The following C13orf42 variants were observed in gnomAD, a reference collection of about 807,000 sequenced individuals.
The protein encoded by C13orf42 is chromosome 13 open reading frame 42.
chr13:51,168,281 G>C (rs1017832184), intron 1 of C13orf42, among the ~76,000 whole-genome samples: 1 of 152,190 alleles, frequency 6.6e-6, no homozygotes, highest in Non-Finnish European at 1.5e-5. Context: ...TGCATAAATC[G>C]GAGGTGCAGT....
intron 1 of C13orf42, among the ~76,000 whole-genome samples, chr13:51,142,303 A>AG (rs759306614): frequency 3.9e-5 from 6 of 152,264 alleles, no homozygotes; most frequent in Non-Finnish European, 8.8e-5. Context: ...GGAATAAACA[A>AG]GGATAGCTTG....
intron 1 of C13orf42, among the ~76,000 whole-genome samples, chr13:51,164,558 G>A (rs974763513): frequency 1.3e-5 from 2 of 152,146 alleles, no homozygotes; most frequent in Admixed American, 1.3e-4. Flanking sequence ...TATTCAGGAG[G>A]CCGAAGTAGG....
At chr13:51,112,734 G>A (rs1395754743), upstream of C13orf42, among the ~76,000 whole-genome samples, 3 of 152,160 alleles carry the variant, frequency 2.0e-5, no homozygotes, top group African/African-American at 7.2e-5. Context: ...AGATGAAGAA[G>A]GGGCGCGCTG....
chr13:51,150,012 C>T (rs1382266730), intron 1 of C13orf42, among the ~76,000 whole-genome samples: 1 of 152,164 alleles, frequency 6.6e-6, no homozygotes, highest in Admixed American at 6.5e-5. Flanking sequence ...AAATATTTGA[C>T]GAATAAACTC....
chr13:51,087,486 T>G lies in C13orf42; in HGVS notation c.562+442A>C, dbSNP rs59647218. Among the ~76,000 whole-genome samples the G allele has an allele frequency of 2.7e-4, 41 of 152,360 alleles. No homozygotes were observed. In the East Asian group the frequency reaches 7.9e-3, roughly 29 times the overall value. On this transcript the variant is annotated intron_variant, in intron 2 of 3. Transcript: ENST00000563710. ...GTGCCATTCAGTCATGTTCAGTATA[T>G]TCACGTTGTTTTGCAAGCGATCTCT...
chr13:51,106,904 A>C (rs1232248277), intron 1 of C13orf42, among the ~76,000 whole-genome samples: 1 of 151,988 alleles, frequency 6.6e-6, no homozygotes, highest in Non-Finnish European at 1.5e-5. Flanking sequence ...TGACACAAAA[A>C]CCCTCACGTA....
At chr13:51,092,774 T>C (rs1234426366) in intron 1 of C13orf42, among the ~76,000 whole-genome samples, 1 of 152,064 alleles carries the variant, frequency 6.6e-6, no homozygotes, top group African/African-American at 2.4e-5. Flanking sequence ...AGCTGAGAAG[T>C]ACATAGGCAT....
At chr13:51,157,817 A>G (rs1347130823) in intron 1 of C13orf42, among the ~76,000 whole-genome samples, 1 of 152,182 alleles carries the variant, frequency 6.6e-6, no homozygotes, top group Admixed American at 6.5e-5. Flanking sequence ...AAAATTCAGA[A>G]CTTGACAATT....
intron 1 of C13orf42, among the ~76,000 whole-genome samples, chr13:51,156,401 T>C (rs186274138): frequency 4.3e-4 from 65 of 152,276 alleles, no homozygotes; most frequent in Non-Finnish European, 7.8e-4. Flanking sequence ...CTGTGATACA[T>C]AGCTGCCACT....
At chr13:51,134,413 T>A (rs1217255432) in intron 1 of C13orf42, among the ~76,000 whole-genome samples, 1 of 152,202 alleles carries the variant, frequency 6.6e-6, no homozygotes, top group African/African-American at 2.4e-5. Flanking sequence ...TCCCATCTGA[T>A]ACTCAACTGC....
At position 51,171,611 on chromosome 13, in the gene C13orf42, T is replaced by C. The variant is rs925379105; in HGVS notation, n.136+642A>G. ...GCCTCTGCTCCTCCACCCTATAATC[T>C]TTTTATCACCTCCCCTCCTCACACC... On this transcript the variant is annotated intron_variant and non_coding_transcript_variant, in intron 1 of 4. Transcript: ENST00000433280. Among the ~76,000 whole-genome samples, 28 of 152,188 alleles carry C rather than the reference T, an allele frequency of 1.8e-4. No homozygotes were observed. The South Asian group carries it at 2.9e-3, about 16-fold the overall frequency.
At chr13:51,171,642 G>T (rs147201293) in intron 1 of C13orf42, among the ~76,000 whole-genome samples, 5 of 150,816 alleles carry the variant, frequency 3.3e-5, no homozygotes, top group Admixed American at 6.6e-5. Flanking sequence ...ACACCTGGTC[G>T]GGCTTACAGT....
intron 1 of C13orf42, among the ~76,000 whole-genome samples, chr13:51,123,305 G>C (rs998911987): frequency 2.0e-5 from 3 of 152,190 alleles, no homozygotes; most frequent in Non-Finnish European, 4.4e-5. Context: ...TCAGCTGGGG[G>C]CTCTGCTTAG....
chr13:51,111,718 G>T (rs1953436890), upstream of C13orf42, among the ~76,000 whole-genome samples: 1 of 152,162 alleles, frequency 6.6e-6, no homozygotes, highest in South Asian at 2.1e-4. Context: ...ATTCTACTTA[G>T]CAGGGACAGC....
chr13:51,112,350 T>A (rs756109566), upstream of C13orf42, among the ~76,000 whole-genome samples: 14 of 152,112 alleles, frequency 9.2e-5, no homozygotes, highest in Non-Finnish European at 1.3e-4. Flanking sequence ...GTTTGCTCTG[T>A]GTGTGTGTGG....
intron 1 of C13orf42, among the ~76,000 whole-genome samples, chr13:51,159,650 C>A (rs570521295): frequency 2.0e-5 from 3 of 152,226 alleles, no homozygotes; most frequent in African/African-American, 7.2e-5. Flanking sequence ...TTCTCACATA[C>A]AATAAAAGAG....
intron 1 of C13orf42, among the ~76,000 whole-genome samples, chr13:51,137,709 T>C (rs1475791147): frequency 6.6e-6 from 1 of 152,186 alleles, no homozygotes; most frequent in East Asian, 1.9e-4. Flanking sequence ...CACACTTTTA[T>C]CTGATTACAA....
At chr13:51,167,790 G>A (rs1460009633) in intron 1 of C13orf42, among the ~76,000 whole-genome samples, 3 of 152,060 alleles carry the variant, frequency 2.0e-5, no homozygotes, top group Non-Finnish European at 2.9e-5. Context: ...CAACTCTAGC[G>A]GTTTCTGATT....
At chr13:51,086,327 CA>C (rs11440988) in intron 2 of C13orf42, among the ~76,000 whole-genome samples, 15 of 125,544 alleles carry the variant, frequency 1.2e-4, no homozygotes, top group East Asian at 6.8e-4. Flanking sequence ...CAAAAAAAAA[CA>C]AAAAAAAAAA....
Sources: gnomAD v4.1 joint callset for allele counts (sites outside exome capture counted in the v4.1 genomes callset) on GRCh38, gnomAD v4.1.1 for gene constraint, MANE v1.5 for transcripts, NCBI Gene and HGNC (gene_info 2026-07-23, HGNC 2026-07-21) for gene names.